Variants in CCDC117 observed in about 807,000 individuals in gnomAD.
CCDC117 encodes the protein coiled-coil domain containing 117.
CCDC117 carries 1 observed loss-of-function variant against 23.5 expected under a neutral mutation model. The observed-to-expected ratio is 0.04, with a 90% CI of 0.02 to 0.20. CCDC117 has a LOEUF of 0.20. CCDC117 is among the 10% of genes least tolerant of loss of function. CCDC117 has a pLI of 1.00. For missense variants in CCDC117, 383 were observed against 348.2 expected, an observed-to-expected ratio of 1.10 and a Z score of -0.80; for synonymous variants, 132 against 124.8, an observed-to-expected ratio of 1.06 and a Z score of -0.39.
Position 28,786,103 on chromosome 22 carries a change from T to C in CCDC117, c.617T>C (p.Met206Thr), listed in dbSNP as rs1449141026. The C allele has an allele frequency of 6.2e-7, 1 of 1,607,120 alleles. No individual in the cohort carries two copies. Among genetic ancestry groups the C allele is most frequent in the Non-Finnish European group, 8.5e-7 (1 of 1,178,234 alleles). ...TTATGTCTTAGGAGCCGTCCTTCCA[T>C]GGAGCTTGTTCTCTGGAAACCCCTC... ...KMIESMSRPS[M>T]ELVLWKPLPE... Residue 206 changes from methionine to threonine, a missense_variant, in exon 5 of 5, where the codon ATG becomes ACG. By Grantham distance (81) the Met-to-Thr change is moderately conservative. Coordinates refer to ENST00000249064, the MANE Select transcript of CCDC117 (RefSeq NM_173510.4).
intron 2 of CCDC117, among the ~76,000 whole-genome samples, chr22:28,776,314 CGAG>C (rs1360262957): frequency 1.3e-5 from 2 of 152,106 alleles, no homozygotes; most frequent in Non-Finnish European, 2.9e-5. Context: ...GACTGAGGCA[CGAG>C]GAGAAGGCAG....
Position 28,787,801 on chromosome 22 carries a change from C to T in CCDC117, c.*1475C>T, listed in dbSNP as rs555403692. On this transcript the variant is annotated 3_prime_UTR_variant, in exon 5 of 5. Coordinates refer to ENST00000249064, the MANE Select transcript of CCDC117 (RefSeq NM_173510.4). ...GTGTAATGGTATAATGCCCTTCCATCACACAACAGGACACCACCCCAGTTT... is the reference window on the plus strand; with the variant it reads ...GTGTAATGGTATAATGCCCTTCCATTACACAACAGGACACCACCCCAGTTT... 2.0e-4 allele frequency: 31 copies of T among 152,446 alleles called. No homozygotes were observed. The South Asian group carries it at 4.1e-3, about 20-fold the overall frequency. The allele number at this position is 152,446 out of a possible 1,614,324, so 9.4% of individuals were successfully genotyped here.
chr22:28,773,370 A>C (rs1012218983), intron 1 of CCDC117: 9 of 208,834 alleles, frequency 4.3e-5, no homozygotes, highest in Admixed American at 3.9e-4. Flanking sequence ...GACAACTTTC[A>C]GTGTCTCATC....
At position 28,772,775 on chromosome 22, in the gene CCDC117, G is replaced by T. The variant is rs868774159; in HGVS notation, c.-75G>T. 6.0e-6 allele frequency: 7 copies of T among 1,161,936 alleles called. No homozygotes were observed. Among genetic ancestry groups the T allele is most frequent in the Middle Eastern group, 3.3e-4 (1 of 3,006 alleles). The allele number at this position is 1,161,936 out of a possible 1,614,324, so 72.0% of individuals were successfully genotyped here. A position where few individuals can be genotyped will look rare whatever the true frequency, so the allele number is the denominator to read the frequency against. On this transcript the variant is annotated 5_prime_UTR_variant, in exon 1 of 5. Transcript: ENST00000249064. ...CCGAGGCTGGCGGGTTTTGGCAGTA[G>T]CTGTGGCTGCGGCTGCCGGGCCTGG...
chr22:28,773,415 C>T (rs901441252), intron 1 of CCDC117: 4 of 313,638 alleles, frequency 1.3e-5, no homozygotes, highest in Non-Finnish European at 2.4e-5. Context: ...AGAAATGGGT[C>T]CTCTTAGTGA....
At chr22:28,782,782 G>T (rs2031389856) in intron 3 of CCDC117, among the ~76,000 whole-genome samples, 1 of 152,080 alleles carries the variant, frequency 6.6e-6, no homozygotes, top group Admixed American at 6.6e-5. Context: ...ATGTTGGCCA[G>T]GCTGGTCTGG....
intron 2 of CCDC117, among the ~76,000 whole-genome samples, chr22:28,777,230 T>G (rs1292429642): frequency 1.3e-5 from 2 of 151,800 alleles, no homozygotes; most frequent in Admixed American, 6.6e-5. Context: ...TTTCACCATG[T>G]TAGCCAGGAT....
intron 3 of CCDC117, among the ~76,000 whole-genome samples, 163 bp downstream of exon 3, chr22:28,781,335 G>GTTTGT (rs2031316834): frequency 2.0e-4 from 3 of 14,824 alleles, no homozygotes; most frequent in African/African-American, 1.6e-3. Flanking sequence ...TTTTTGTTTT[G>GTTTGT]TTTTTTTTTT....
At chr22:28,781,330 GTTTTGTTTT>G (rs1569198891) in intron 3 of CCDC117, among the ~76,000 whole-genome samples, 158 bp downstream of exon 3, 6 of 37,664 alleles carry the variant, frequency 1.6e-4, no homozygotes, top group African/African-American at 7.4e-4. Flanking sequence ...TTGTTTTTTT[GTTTTGTTTT>G]TTTTTTTTTT....
rs990625969 is a variant in CCDC117 at position 28,783,596 on chromosome 22, T to G, written c.553T>G (p.Leu185Val). Residue 185 changes from leucine (L) to valine (V), a missense_variant, in exon 4 of 5, where the codon TTG becomes GTG. Leu to Val is a conservative substitution (Grantham distance 32). Transcript: ENST00000249064. ...CCTTTCTGATACCATGAAAACAGGT[T>G]TGAAGAGGGAATTTGATGAAGTTTT... ...LVLSDTMKTG[L>V]KREFDEVFTK... The G allele has an allele frequency of 2.5e-6, 4 of 1,613,812 alleles. No homozygotes were observed. The highest frequency in any genetic ancestry group is 3.4e-6 in the Non-Finnish European group (4 of 1,179,876).
At chr22:28,783,104 C>T (rs1167638280) in intron 3 of CCDC117, among the ~76,000 whole-genome samples, 4 of 152,056 alleles carry the variant, frequency 2.6e-5, no homozygotes, top group Non-Finnish European at 4.4e-5. Flanking sequence ...TGCAATGGCA[C>T]GATCTTGGTT....
intron 3 of CCDC117, among the ~76,000 whole-genome samples, chr22:28,783,227 G>A (rs1057480033): frequency 3.9e-5 from 6 of 151,978 alleles, no homozygotes; most frequent in African/African-American, 1.4e-4. Flanking sequence ...TTTTAGTAGA[G>A]ATAGGGTTTC....
At chr22:28,784,819 G>A (rs974092816) in intron 4 of CCDC117, among the ~76,000 whole-genome samples, 9 of 152,168 alleles carry the variant, frequency 5.9e-5, no homozygotes, top group Admixed American at 5.9e-4. Flanking sequence ...TGCCCAGGCT[G>A]GAGTGCAGTG....
intron 4 of CCDC117, 68 bp downstream of exon 4, chr22:28,783,713 C>T (rs1363589548): frequency 1.4e-6 from 2 of 1,420,634 alleles, no homozygotes; most frequent in Admixed American, 1.9e-5. Context: ...CTAGATTCTG[C>T]CCACCCTGTC....
chr22:28,784,523 A>T (rs1369762063), intron 4 of CCDC117, among the ~76,000 whole-genome samples: 2 of 152,248 alleles, frequency 1.3e-5, no homozygotes, highest in Non-Finnish European at 2.9e-5. Context: ...GTGAGGGCAG[A>T]TAGGTGAGGC....
Position 28,772,978 on chromosome 22 carries a change from G to A in CCDC117, c.129G>A (p.Pro43=). 24 of 1,203,724 alleles carry A rather than the reference G, an allele frequency of 2.0e-5. No individual in the cohort carries two copies. The highest frequency in any genetic ancestry group is 2.5e-5 in the Non-Finnish European group (24 of 969,608). 74.6% of individuals were successfully genotyped at this position (1,203,724 alleles called of 1,614,324 possible). Residue 43 remains proline, a synonymous_variant, in exon 1 of 5, where the codon CCG becomes CCA. Coordinates refer to ENST00000249064, the MANE Select transcript of CCDC117 (RefSeq NM_173510.4). The part of the protein sequence containing the change: ...PPGADGAELA[P]RPGPRAVPSS... ...GGGCTGACGGCGCCGAGTTGGCCCC[G>A]CGGCCGGGACCTCGCGCAGTCCCTA...
At chr22:28,778,200 A>T (rs538554826) in intron 2 of CCDC117, among the ~76,000 whole-genome samples, 1 of 152,312 alleles carries the variant, frequency 6.6e-6, no homozygotes, top group African/African-American at 2.4e-5. Flanking sequence ...CTTCAAATTT[A>T]TCCTTTGTCT....
intron 1 of CCDC117, 193 bp from the exon 2 acceptor site, chr22:28,773,532 A>G: frequency 1.7e-6 from 1 of 598,472 alleles, no homozygotes; most frequent in South Asian, 2.1e-5. Flanking sequence ...ACAAGTTGAG[A>G]TTTCACTGTC....
At chr22:28,783,958 A>G (rs1173731923) in intron 4 of CCDC117, among the ~76,000 whole-genome samples, 1 of 152,228 alleles carries the variant, frequency 6.6e-6, no homozygotes, top group Non-Finnish European at 1.5e-5. Context: ...TACAGGAACC[A>G]CATTTTAAAG....
Sources: allele counts gnomAD v4.1 joint callset (sites outside exome capture counted in the v4.1 genomes callset), GRCh38; gene constraint gnomAD v4.1.1; transcripts MANE v1.5; gene names NCBI Gene and HGNC (gene_info 2026-07-23, HGNC 2026-07-21).